The following CLCN4 variants were observed in gnomAD, a reference collection of about 807,000 sequenced individuals.
CLCN4 encodes Cl-/H+ antiporter 4.
In CLCN4, 1 loss-of-function variant was observed where a neutral mutation model predicts 41.7. The observed-to-expected ratio is 0.02, with a 90% CI of 0.01 to 0.11. The LOEUF is 0.11. Among genes scored for constraint, CLCN4 ranks in the 10% least tolerant of loss-of-function variants. The probability of loss-of-function intolerance (pLI) is 1.00; values close to 1 mark genes in which losing one functional copy is unlikely to be tolerated. For missense variants in CLCN4, 287 were observed against 661.0 expected (o/e 0.43, Z 6.20); for synonymous variants, 277 against 285.8 (o/e 0.97, Z 0.31).
intron 2 of CLCN4, among the ~76,000 whole-genome samples, chrX:10,166,045 G>A (rs1439208768): frequency 8.9e-6 from 1 of 112,099 alleles, no homozygotes; most frequent in African/African-American, 3.3e-5. Context: ...CAGAAAATAG[G>A]TTGTTGTGGA....
chrX:10,184,399 A>T (rs751825815), intron 2 of CLCN4, among the ~76,000 whole-genome samples: 1 of 110,338 alleles, frequency 9.1e-6, no homozygotes, highest in East Asian at 2.9e-4. Context: ...AAAAAGTGCC[A>T]GCAGTGCCCG....
intron 10 of CLCN4, among the ~76,000 whole-genome samples, 184 bp downstream of exon 10, chrX:10,212,837 G>GCACACA (rs199932119): frequency 2.5e-4 from 27 of 106,589 alleles, no homozygotes; most frequent in Middle Eastern, 5.0e-3. Flanking sequence ...CGCTCACTAT[G>GCACACA]CAGACACACA....
Position 10,198,078 on chromosome X carries a change from T to G in CLCN4, c.555+17T>G, listed in dbSNP as rs1351175349. 1.7e-6 allele frequency: 2 copies of G among 1,203,602 alleles called. No individual in the cohort carries two copies. Among genetic ancestry groups the G allele is most frequent in the Non-Finnish European group, 2.2e-6 (2 of 890,738 alleles). The stretch of plus-strand genomic sequence containing the variant: ...ATACCAGAGGTGAGTTCTGGCTGAT[T>G]TTTTTGGTACCAATAATAAGAATAG... On this transcript the variant is annotated intron_variant, in intron 6 of 12. Transcript: ENST00000380833.
intron 12 of CLCN4, among the ~76,000 whole-genome samples, chrX:10,232,432 G>A (rs1443317354): frequency 8.9e-6 from 1 of 112,344 alleles, no homozygotes; most frequent in East Asian, 2.8e-4. Context: ...ATTACACAGA[G>A]TAGAAACCCA....
chrX:10,187,577 G>T lies in CLCN4; in HGVS notation c.207G>T (p.Ser69=). ...TCAAGAGCCTGCTGGATGCCTGGTC[G>T]GGATGGGTGGTGATGCTGCTCATCG... ...EFIKSLLDAW[S]GWVVMLLIGL... The change falls in exon 4 of 13, where the codon TCG becomes TCT. Residue 69 remains serine, a synonymous_variant. Coordinates refer to ENST00000380833, the MANE Select transcript of CLCN4 (RefSeq NM_001830.4). 1 of 1,211,149 alleles carries T rather than the reference G, an allele frequency of 8.3e-7. No individual in the cohort carries two copies. Among genetic ancestry groups the T allele is most frequent in the Non-Finnish European group, 1.1e-6 (1 of 894,911 alleles).
In CLCN4 at chrX:10,220,527, T is replaced by C. The variant is rs189487520; in HGVS notation, c.1976-134T>C. ...TCCACAGATGTTTGGCTAAAGCCCCTTATTAAGAATGTGTGGTTCATCCTC... is the reference window on the plus strand; with the variant it reads ...TCCACAGATGTTTGGCTAAAGCCCCCTATTAAGAATGTGTGGTTCATCCTC... On this transcript the variant is annotated intron_variant, in intron 11 of 12. Coordinates refer to ENST00000380833, the MANE Select transcript of CLCN4 (RefSeq NM_001830.4). 119 of 509,357 alleles carry C rather than the reference T, an allele frequency of 2.3e-4. 1 individual carries two copies. Among genetic ancestry groups the C allele is most frequent in the African/African-American group, 1.8e-3 (76 of 42,536 alleles). 42.0% of individuals were successfully genotyped at this position (509,357 alleles called of 1,213,427 possible). A position where few individuals can be genotyped will look rare whatever the true frequency, so the allele number is the denominator to read the frequency against.
chrX:10,169,460 C>T (rs1460072006), intron 2 of CLCN4, among the ~76,000 whole-genome samples: 1 of 111,201 alleles, frequency 9.0e-6, no homozygotes, highest in Non-Finnish European at 1.9e-5. Flanking sequence ...CAACTCTTTT[C>T]ATGAGTGAAA....
chrX:10,162,951 C>T (rs1923144687), intron 2 of CLCN4, among the ~76,000 whole-genome samples: 1 of 112,999 alleles, frequency 8.8e-6, no homozygotes, highest in Non-Finnish European at 1.9e-5. Flanking sequence ...TGGTGTTATT[C>T]ACTGGATTCT....
chrX:10,162,068 A>G (rs1923124209), intron 2 of CLCN4, among the ~76,000 whole-genome samples: 2 of 95,119 alleles, frequency 2.1e-5, no homozygotes, highest in African/African-American at 8.1e-5. Flanking sequence ...CCCAGGCTGC[A>G]GTGCAGTGGT....
intron 2 of CLCN4, among the ~76,000 whole-genome samples, chrX:10,166,360 G>C (rs1923250464): frequency 8.9e-6 from 1 of 112,467 alleles, no homozygotes; most frequent in East Asian, 2.8e-4. Flanking sequence ...AGTCCGTGGT[G>C]CTTGGTTACG....
At chrX:10,192,868 T>G (rs1924003479) in intron 4 of CLCN4, among the ~76,000 whole-genome samples, 1 of 111,596 alleles carries the variant, frequency 9.0e-6, no homozygotes, top group Non-Finnish European at 1.9e-5. Flanking sequence ...ATTTCAGAGG[T>G]GGAGCTGCTG....
At chrX:10,204,405 G>T (rs1011958530) in intron 6 of CLCN4, among the ~76,000 whole-genome samples, 4 of 111,494 alleles carry the variant, frequency 3.6e-5, no homozygotes, top group African/African-American at 1.3e-4. Context: ...TTGGAATGTT[G>T]AGCGTCTTCT....
intron 5 of CLCN4, among the ~76,000 whole-genome samples, chrX:10,196,538 CTTTT>C (rs141362799): frequency 7.4e-5 from 6 of 80,912 alleles, no homozygotes; most frequent in Non-Finnish European, 9.4e-5. Context: ...CCCTTCCCCA[CTTTT>C]TTTTTTTTTT....
chrX:10,164,565 C>T lies in CLCN4; in HGVS notation c.-12+6014C>T, dbSNP rs530109879. Among the ~76,000 whole-genome samples, 3 of 111,926 alleles carry T rather than the reference C, an allele frequency of 2.7e-5. No individual in the cohort carries two copies. The South Asian group carries it at 1.1e-3, about 41-fold the overall frequency. ...GGCAGCCAGCAAGGAGGCTAGGAGG[C>T]GAGGCTGGAGGCCAGATGGGGAGTG... On this transcript the variant is annotated intron_variant, in intron 2 of 12. Transcript: ENST00000380833.
At chrX:10,218,591 T>C (rs1335918839) in intron 11 of CLCN4, among the ~76,000 whole-genome samples, 1 of 112,727 alleles carries the variant, frequency 8.9e-6, no homozygotes, top group Non-Finnish European at 1.9e-5. Flanking sequence ...TGTCTGATGA[T>C]TTCTGGTCCA....
chrX:10,161,817 G>T (rs983151237), intron 2 of CLCN4, among the ~76,000 whole-genome samples: 1 of 110,537 alleles, frequency 9.0e-6, no homozygotes, highest in Non-Finnish European at 1.9e-5. Context: ...GTGTAAAGGG[G>T]CTTCTGCCTG....
chrX:10,203,867 AAGG>A (rs1436619312), intron 6 of CLCN4, among the ~76,000 whole-genome samples: 1 of 111,830 alleles, frequency 8.9e-6, no homozygotes, highest in East Asian at 2.8e-4. Flanking sequence ...CAATGCCCAC[AAGG>A]AGGTGTTTTG....
chrX:10,195,773 A>G (rs1924081206), intron 5 of CLCN4, among the ~76,000 whole-genome samples: 1 of 112,346 alleles, frequency 8.9e-6, no homozygotes, highest in African/African-American at 3.2e-5. Context: ...GGCTTCTTCC[A>G]CCTAGCATCA....
chrX:10,237,621 A>T lies in CLCN4; in HGVS notation c.*4037A>T, dbSNP rs1925283562. 1 of 111,821 alleles carries T rather than the reference A, an allele frequency of 8.9e-6. No individual in the cohort carries two copies. The highest frequency in any genetic ancestry group is 1.9e-5 in the Non-Finnish European group (1 of 53,189). 9.2% of individuals were successfully genotyped at this position (111,821 alleles called of 1,213,427 possible). The stretch of plus-strand genomic sequence containing the variant: ...TATTAAATGTCTGAACTCTATTTTT[A>T]AAAATAAAACAAGCACAGAGTCTGC... On this transcript the variant is annotated 3_prime_UTR_variant, in exon 13 of 13. Coordinates refer to ENST00000380833, the MANE Select transcript of CLCN4 (RefSeq NM_001830.4).
Sources: allele counts gnomAD v4.1 joint callset (sites outside exome capture counted in the v4.1 genomes callset), GRCh38; gene constraint gnomAD v4.1.1; transcripts MANE v1.5; gene names NCBI Gene and HGNC (gene_info 2026-07-23, HGNC 2026-07-21).